Variants in AVEN observed in about 807,000 individuals in gnomAD.
The protein encoded by AVEN is cell death regulator Aven.
A neutral mutation model predicts 38.1 loss-of-function variants in AVEN; 41 were observed. The observed-to-expected ratio is 1.08, with a 90% CI of 0.84 to 1.40. AVEN has a LOEUF of 1.40. AVEN is among the 40% of genes most tolerant of loss of function. The pLI is 0.00. For synonymous variants in AVEN, 206 were observed against 171.8 expected (o/e 1.20, Z -1.56); for missense variants, 605 against 438.8 (o/e 1.38, Z -3.38).
At chr15:33,924,365 C>G (rs1199996407) in intron 2 of AVEN, among the ~76,000 whole-genome samples, 4 of 125,502 alleles carry the variant, frequency 3.2e-5, no homozygotes, top group East Asian at 2.3e-4. Flanking sequence ...GCGAGACTGT[C>G]TCAAAAAAAA....
At chr15:34,059,851 C>G (rs1900278800) in intron 5 of AVEN, among the ~76,000 whole-genome samples, 1 of 152,210 alleles carries the variant, frequency 6.6e-6, no homozygotes, top group South Asian at 2.1e-4. Flanking sequence ...TGCACCCCTG[C>G]TATTTCTATC....
chr15:33,922,146 A>C (rs549857), intron 2 of AVEN, among the ~76,000 whole-genome samples: 1 of 152,012 alleles, frequency 6.6e-6, no homozygotes, highest in Admixed American at 6.6e-5. Flanking sequence ...GGAATCTTTC[A>C]ATATAGGGAG....
chr15:34,058,965 T>A (rs1047654285), intron 5 of AVEN, among the ~76,000 whole-genome samples: 1 of 152,172 alleles, frequency 6.6e-6, no homozygotes, highest in African/African-American at 2.4e-5. Context: ...GGCAAGATCT[T>A]GGCTCACTGC....
intron 2 of AVEN, among the ~76,000 whole-genome samples, chr15:33,893,078 A>G (rs1892055345): frequency 1.3e-5 from 2 of 152,210 alleles, no homozygotes; most frequent in Non-Finnish European, 2.9e-5. Context: ...TTGTATCCTG[A>G]GACTTTGCTG....
intron 5 of AVEN, among the ~76,000 whole-genome samples, chr15:34,062,342 T>C (rs948566017): frequency 1.3e-5 from 2 of 151,848 alleles, no homozygotes; most frequent in African/African-American, 4.8e-5. Context: ...GATCACGAAG[T>C]CAGGAGATCG....
At chr15:33,922,037 C>G (rs1211959370) in intron 2 of AVEN, among the ~76,000 whole-genome samples, 1 of 152,098 alleles carries the variant, frequency 6.6e-6, no homozygotes, top group Non-Finnish European at 1.5e-5. Context: ...GATCTCTTGA[C>G]AAACAATCCA....
chr15:33,853,830 A>C (rs894408456), downstream of AVEN: 9 of 974,710 alleles, frequency 9.2e-6, no homozygotes, highest in Non-Finnish European at 1.0e-5. Flanking sequence ...CTGGGAGAGC[A>C]CTGCCTTAAA....
At chr15:33,959,173 C>G (rs1895074662) in intron 2 of AVEN, among the ~76,000 whole-genome samples, 1 of 152,162 alleles carries the variant, frequency 6.6e-6, no homozygotes, top group South Asian at 2.1e-4. Flanking sequence ...TGAAACATCA[C>G]CTCATTTGTG....
At chr15:33,986,821 T>G (rs947527654) in intron 2 of AVEN, among the ~76,000 whole-genome samples, 1 of 151,678 alleles carries the variant, frequency 6.6e-6, no homozygotes, top group African/African-American at 2.4e-5. Context: ...CATGCCCAGC[T>G]AATTGTTTTG....
intron 2 of AVEN, among the ~76,000 whole-genome samples, chr15:33,892,464 C>T (rs1479561215): frequency 6.6e-6 from 1 of 151,836 alleles, no homozygotes; most frequent in Non-Finnish European, 1.5e-5. Flanking sequence ...GTTTTACCAG[C>T]ACCATTTATT....
At chr15:33,919,728 T>C (rs1893316378) in intron 2 of AVEN, among the ~76,000 whole-genome samples, 1 of 152,146 alleles carries the variant, frequency 6.6e-6, no homozygotes, top group Admixed American at 6.5e-5. Context: ...TATGTGACAA[T>C]ACACACACAT....
intron 1 of AVEN, among the ~76,000 whole-genome samples, chr15:34,016,149 G>A (rs371446471): frequency 3.9e-5 from 6 of 152,262 alleles, no homozygotes; most frequent in African/African-American, 1.2e-4. Flanking sequence ...GGTGGTGCAC[G>A]CCTGTAATTC....
At chr15:34,045,315 T>TAAG (rs1899645213) in intron 5 of AVEN, among the ~76,000 whole-genome samples, 1 of 152,284 alleles carries the variant, frequency 6.6e-6, no homozygotes, top group African/African-American at 2.4e-5. Flanking sequence ...TCAGAGGTAT[T>TAAG]AAGAGGTCAT....
intron 2 of AVEN, among the ~76,000 whole-genome samples, chr15:33,920,960 G>C (rs1249370491): frequency 6.6e-6 from 1 of 152,086 alleles, no homozygotes; most frequent in Non-Finnish European, 1.5e-5. Context: ...ATTTTTGGTA[G>C]AGACGGGTTT....
chr15:34,016,753 G>A (rs143972786), intron 1 of AVEN, among the ~76,000 whole-genome samples: 454 of 152,258 alleles, frequency 3.0e-3, no homozygotes, highest in African/African-American at 0.01. Flanking sequence ...TAACCGTTTG[G>A]TCAAAAACAA....
chr15:33,961,422 G>T (rs917489948), intron 2 of AVEN, among the ~76,000 whole-genome samples: 1 of 152,100 alleles, frequency 6.6e-6, no homozygotes, highest in South Asian at 2.1e-4. Context: ...GATTCTTAAG[G>T]TTCTACTGTT....
rs374809132 is a variant in AVEN, at chr15:34,044,995, C to T, written n.1637+17927G>A. 3.0e-4 allele frequency among the ~76,000 whole-genome samples: 45 copies of T among 152,260 alleles called. 1 individual carries two copies. In the East Asian group the frequency reaches 7.9e-3, roughly 27 times the overall value. ...CCTGGGAGGCGGAGCTTGCAGTGAG[C>T]CGAGATCGTGCCACTGCACTCCAGC... On this transcript the variant is annotated intron_variant and non_coding_transcript_variant, in intron 5 of 11. Transcript: ENST00000675287.
intron 2 of AVEN, among the ~76,000 whole-genome samples, chr15:33,951,048 G>A (rs563296266): frequency 2.6e-5 from 4 of 151,520 alleles, no homozygotes; most frequent in Admixed American, 2.0e-4. Context: ...AGGGAGAGAG[G>A]GTGGGAGGAA....
intron 2 of AVEN, among the ~76,000 whole-genome samples, chr15:33,941,728 AC>A (rs1182763879): frequency 8.5e-5 from 13 of 152,228 alleles, no homozygotes; most frequent in African/African-American, 2.4e-4. Flanking sequence ...TCTATTAAAA[AC>A]AAAAAAAAAT....
Sources: allele counts gnomAD v4.1 joint callset (sites outside exome capture counted in the v4.1 genomes callset), GRCh38; gene constraint gnomAD v4.1.1; transcripts MANE v1.5; gene names NCBI Gene and HGNC (gene_info 2026-07-23, HGNC 2026-07-21).